The following SLC27A6 variants were observed in gnomAD, a reference collection of about 807,000 sequenced individuals.
The protein encoded by SLC27A6 is solute carrier family 27 member 6, also known as long-chain fatty acid transport protein 6.
Under a neutral mutation model 63.9 loss-of-function variants are expected in SLC27A6, and 74 were observed. The ratio of observed to expected loss-of-function variants is 1.16; its 90% CI spans 0.96 to 1.40. SLC27A6 has a LOEUF of 1.40. Ranked by LOEUF, SLC27A6 falls within the 40% of genes most tolerant of loss-of-function variation. The pLI is 0.00. For missense variants in SLC27A6, 794 were observed against 732.9 expected, an observed-to-expected ratio of 1.08 and a Z score of -0.96; for synonymous variants, 287 against 260.8, an observed-to-expected ratio of 1.10 and a Z score of -0.97.
chr5:128,970,963 T>G (rs1750132452), intron 1 of SLC27A6, among the ~76,000 whole-genome samples: 1 of 152,268 alleles, frequency 6.6e-6, no homozygotes, highest in African/African-American at 2.4e-5. Context: ...TTGTGTCTTT[T>G]TTCTCATTGG....
In SLC27A6 at chr5:128,990,469, G is replaced by A. The variant is rs1750939600; in HGVS notation, c.969+5G>A. The A allele has an allele frequency of 6.3e-7, 1 of 1,598,554 alleles. No homozygotes were observed. On this transcript the variant is annotated splice_donor_5th_base_variant and intron_variant, in intron 4 of 9. Transcript: ENST00000262462. ...TACCTTTGCAAACAATCTAAGGTAGGCGTAATCATTATCAGAAAAAAATAT... is the reference window on the plus strand; with the variant it reads ...TACCTTTGCAAACAATCTAAGGTAGACGTAATCATTATCAGAAAAAAATAT...
chr5:129,021,337 C>T (rs1279251796), intron 5 of SLC27A6, among the ~76,000 whole-genome samples: 1 of 151,988 alleles, frequency 6.6e-6, no homozygotes, highest in African/African-American at 2.4e-5. Flanking sequence ...CCCGACTCTA[C>T]TACTATTTCA....
chr5:129,007,412 C>T (rs538386534), intron 4 of SLC27A6, among the ~76,000 whole-genome samples: 1 of 142,998 alleles, frequency 7.0e-6, no homozygotes, highest in African/African-American at 2.6e-5. Context: ...CACTGCACTC[C>T]AGCCTGGGCG....
rs775633065 is a variant in SLC27A6 at position 128,990,490 on chromosome 5, AAT to A, written c.969+29_969+30del. 2,327 of 1,590,164 alleles carry A rather than the reference AAT, an allele frequency of 1.5e-3. 6 individuals are homozygous for A. Among genetic ancestry groups the A allele is most frequent in the Non-Finnish European group, 1.9e-3 (2,170 of 1,169,880 alleles). On this transcript the variant is annotated intron_variant, in intron 4 of 9. Transcript: ENST00000262462. Reference sequence around the variant, plus strand: ...GTAGGCGTAATCATTATCAGAAAAAAATATGTCAGAAAGAATAAGTATTGAGA... The same window carrying A: ...GTAGGCGTAATCATTATCAGAAAAAAATGTCAGAAAGAATAAGTATTGAGA...
At chr5:128,976,267 C>CA in intron 1 of SLC27A6, among the ~76,000 whole-genome samples, 1 of 152,092 alleles carries the variant, frequency 6.6e-6, no homozygotes, top group East Asian at 1.9e-4. Context: ...CCAGAACTTT[C>CA]AGAGGCCAAG....
At chr5:129,025,963 C>T (rs911221495) in intron 6 of SLC27A6, among the ~76,000 whole-genome samples, 6 of 152,110 alleles carry the variant, frequency 3.9e-5, no homozygotes, top group East Asian at 3.9e-4. Flanking sequence ...GGTGAGACCT[C>T]GTGTCTACAA....
At chr5:128,986,473 G>A (rs1290258313) in intron 2 of SLC27A6, among the ~76,000 whole-genome samples, 1 of 152,150 alleles carries the variant, frequency 6.6e-6, no homozygotes, top group Non-Finnish European at 1.5e-5. Context: ...CTCATTTCTT[G>A]TGCATAGGTT....
chr5:129,017,374 G>T (rs1273511746), intron 5 of SLC27A6, among the ~76,000 whole-genome samples: 2 of 151,914 alleles, frequency 1.3e-5, no homozygotes, highest in East Asian at 3.9e-4. Flanking sequence ...GAAATTAGAA[G>T]ATACTATGAG....
At chr5:128,996,749 G>C (rs1394767831) in intron 4 of SLC27A6, among the ~76,000 whole-genome samples, 1 of 149,814 alleles carries the variant, frequency 6.7e-6, no homozygotes. Context: ...AGTTTTCTTT[G>C]TCATATCTAG....
intron 4 of SLC27A6, among the ~76,000 whole-genome samples, chr5:128,998,934 A>G (rs1751245996): frequency 6.6e-6 from 1 of 152,176 alleles, no homozygotes; most frequent in Non-Finnish European, 1.5e-5. Flanking sequence ...ATGAATTAAG[A>G]TCAAGGATTT....
chr5:129,009,735 C>G (rs1269935338), intron 4 of SLC27A6, among the ~76,000 whole-genome samples: 2 of 152,088 alleles, frequency 1.3e-5, no homozygotes, highest in African/African-American at 4.8e-5. Flanking sequence ...AGTGCAGTGG[C>G]GCGATCTCGG....
chr5:128,971,530 T>C (rs866212284), intron 1 of SLC27A6, among the ~76,000 whole-genome samples: 73 of 151,738 alleles, frequency 4.8e-4, no homozygotes, highest in African/African-American at 1.5e-3. Context: ...CTTTGTCTCT[T>C]GATCTTTGTT....
intron 1 of SLC27A6, among the ~76,000 whole-genome samples, chr5:128,968,162 T>G (rs908806992): frequency 6.6e-6 from 1 of 152,186 alleles, no homozygotes; most frequent in Non-Finnish European, 1.5e-5. Flanking sequence ...AGTCTATCAT[T>G]GATGGACATT....
intron 1 of SLC27A6, among the ~76,000 whole-genome samples, chr5:128,977,263 C>G (rs1750421866): frequency 6.6e-6 from 1 of 152,188 alleles, no homozygotes. Flanking sequence ...GTGAACAAAA[C>G]AAATTTCCTC....
In SLC27A6 at chr5:128,965,939, G is replaced by T. The variant is rs1253186561; in HGVS notation, c.-199G>T. 1.9e-6 allele frequency: 1 copy of T among 537,384 alleles called. No individual in the cohort carries two copies. Among genetic ancestry groups the T allele is most frequent in the South Asian group, 5.6e-5 (1 of 17,988 alleles). 33.3% of individuals were successfully genotyped at this position (537,384 alleles called of 1,614,324 possible). On this transcript the variant is annotated 5_prime_UTR_variant, in exon 1 of 10. Transcript: ENST00000262462. ...AGCTTAATCTTCAGCACCACTTGGGGCGACCTTTTCGGTGCAAACCTACGA... is the reference window on the plus strand; with the variant it reads ...AGCTTAATCTTCAGCACCACTTGGGTCGACCTTTTCGGTGCAAACCTACGA...
chr5:128,985,895 CAT>C (rs1484027509), intron 2 of SLC27A6, among the ~76,000 whole-genome samples: 2 of 152,158 alleles, frequency 1.3e-5, no homozygotes, highest in Non-Finnish European at 2.9e-5. Flanking sequence ...GTAATTGAAT[CAT>C]GTGACAAACA....
At chr5:129,007,212 G>A (rs1012316452) in intron 4 of SLC27A6, among the ~76,000 whole-genome samples, 1 of 151,862 alleles carries the variant, frequency 6.6e-6, no homozygotes, top group Non-Finnish European at 1.5e-5. Flanking sequence ...TTGGGAGGCC[G>A]AGGCGGGTGG....
At chr5:129,000,850 T>A (rs1751308244) in intron 4 of SLC27A6, among the ~76,000 whole-genome samples, 1 of 152,248 alleles carries the variant, frequency 6.6e-6, no homozygotes, top group South Asian at 2.1e-4. Context: ...CCTTTGAATG[T>A]TCTGGGTCTG....
At chr5:128,992,073 A>G (rs1751001804) in intron 4 of SLC27A6, among the ~76,000 whole-genome samples, 1 of 151,670 alleles carries the variant, frequency 6.6e-6, no homozygotes. Flanking sequence ...TAAACATCAG[A>G]TCCACATCAG....
Sources: gnomAD v4.1 joint callset for allele counts (sites outside exome capture counted in the v4.1 genomes callset) on GRCh38, gnomAD v4.1.1 for gene constraint, MANE v1.5 for transcripts, NCBI Gene and HGNC (gene_info 2026-07-23, HGNC 2026-07-21) for gene names.